KRT3: variants seen among roughly 807,000 people sequenced by gnomAD.
KRT3 encodes keratin 3, also known as keratin, type II cytoskeletal 3.
In KRT3, 34 loss-of-function variants were observed where a neutral mutation model predicts 45.8. The observed-to-expected ratio is 0.74, with a 90% CI of 0.57 to 0.99. The LOEUF is 0.99. Among genes scored for constraint, KRT3 ranks in the 50% least tolerant of loss-of-function variants. The pLI, the probability that KRT3 is intolerant of heterozygous loss-of-function variation, is 0.00. For missense variants in KRT3, 828 were observed against 820.6 expected (o/e 1.01, Z -0.11); for synonymous variants, 367 against 329.0 (o/e 1.12, Z -1.25).
Position 52,793,172 on chromosome 12 carries a change from A to G in KRT3, c.918T>C (p.Thr306=). 5.6e-6 allele frequency: 9 copies of G among 1,611,498 alleles called. No individual in the cohort carries two copies. The highest frequency in any genetic ancestry group is 7.6e-6 in the Non-Finnish European group (9 of 1,178,610). Reference sequence around the variant, plus strand: ...CACACACAGCCCTTACCTTCTTCAGAGTCACAAATTCATTCTCAGCAGCTG... The same window carrying G: ...CACACACAGCCCTTACCTTCTTCAGGGTCACAAATTCATTCTCAGCAGCTG... The part of the protein sequence containing the change: ...KRTAAENEFV[T]LKKDVDSAYM... Residue 306 remains threonine, a synonymous_variant, in exon 3 of 9, where the codon ACT becomes ACC. Transcript: ENST00000417996.
Position 52,790,877 on chromosome 12 carries a change from T to A in KRT3, c.1536-5A>T. ...CTCGGACACTCTCCAGACATCCTGT[T>A]TGAGAAAGCAAGAGAAAGTGGGCCC... is the stretch of plus-strand genomic sequence containing the variant. On this transcript the variant is annotated splice_region_variant and splice_polypyrimidine_tract_variant and intron_variant, in intron 7 of 8. Transcript: ENST00000417996. 2 of 1,596,342 alleles carry A rather than the reference T, an allele frequency of 1.3e-6. No individual in the cohort carries two copies. Among genetic ancestry groups the A allele is most frequent in the East Asian group, 4.5e-5 (2 of 44,348 alleles).
In KRT3 at chr12:52,790,100, C is replaced by T; in HGVS notation, c.1829G>A (p.Arg610Gln). 2 of 1,542,884 alleles carry T rather than the reference C, an allele frequency of 1.3e-6. No homozygotes were observed. The highest frequency in any genetic ancestry group is 1.7e-6 in the Non-Finnish European group (2 of 1,146,900). ...SGGGFSSASN[R>Q]GGSIKFSQSS... is the part of the protein sequence containing the mutation. ...CTGGGAGAACTTGATGCTGCCGCCC[C>T]GGTTGCTGGCCGAGCTGAAGCCCCC... is the stretch of plus-strand genomic sequence containing the variant. The change falls in exon 9 of 9, where the codon CGG becomes CAG. Residue 610 changes from arginine (R) to glutamine (Q), a missense_variant. Transcript: ENST00000417996.
chr12:52,794,490 A>G (rs1181216065), intron 1 of KRT3, among the ~76,000 whole-genome samples, 159 bp from the exon 2 acceptor site: 1 of 152,204 alleles, frequency 6.6e-6, no homozygotes, highest in African/African-American at 2.4e-5. Flanking sequence ...AGAGATTATG[A>G]TCAGATGGGT....
Position 52,794,120 on chromosome 12 carries a change from A to C in KRT3, c.857T>G (p.Phe286Cys), listed in dbSNP as rs766707883. The change falls in exon 2 of 9, where the codon TTC (phenylalanine) becomes TGC (cysteine). Residue 286 changes from phenylalanine (F) to cysteine (C), a missense_variant. Phe to Cys is a radical substitution (Grantham distance 205). Transcript: ENST00000417996. ...CTGCCCTGTCACTCACTTCTTCTTG[A>C]AGTCTTCCACCAGGTCCTCCATGTT... Reference protein sequence around the residue: ...LKNMEDLVEDFKKKYEDEINK... With the variant: ...LKNMEDLVEDCKKKYEDEINK... The C allele has an allele frequency of 1.2e-6, 2 of 1,613,502 alleles. No individual in the cohort carries two copies. The highest frequency in any genetic ancestry group is 4.5e-5 in the East Asian group (2 of 44,894).
In KRT3 at chr12:52,790,032, T is replaced by A. The variant is rs934992531; in HGVS notation, c.*10A>T. The A allele has an allele frequency of 6.5e-7, 1 of 1,537,948 alleles. No homozygotes were observed. The highest frequency in any genetic ancestry group is 2.4e-5 in the East Asian group (1 of 40,904). On this transcript the variant is annotated 3_prime_UTR_variant, in exon 9 of 9. Transcript: ENST00000417996. ...GGCGCTGGAGTGGCTGCGATGCTGA[T>A]GCGTGCTCTTTATCTGGAGTAGCGC... is the stretch of plus-strand genomic sequence containing the variant.
rs772480293 is a variant in KRT3 at position 52,790,381 on chromosome 12, G to A, written c.1571-23C>T. On this transcript the variant is annotated intron_variant, in intron 8 of 8. Coordinates refer to ENST00000417996, the MANE Select transcript of KRT3 (RefSeq NM_057088.3). ...CGGCTGTGGGGGAGAGGACAGGACA[G>A]CGATCAGCGACGGCGCCCAGGCCAG... is the stretch of plus-strand genomic sequence containing the variant. 4.5e-6 allele frequency: 7 copies of A among 1,569,276 alleles called. No homozygotes were observed. The South Asian group carries it at 8.5e-5, about 19-fold the overall frequency.
At chr12:52,792,538 G>T in intron 4 of KRT3, 135 bp from the exon 5 acceptor site, 1 of 1,010,814 alleles carries the variant, frequency 9.9e-7, no homozygotes, top group Non-Finnish European at 1.5e-6. Context: ...CCTGTCCGCA[G>T]CCACTCAGAG....
intron 3 of KRT3, 72 bp from the exon 4 acceptor site, chr12:52,792,878 G>T (rs975550721): frequency 1.0e-6 from 1 of 988,106 alleles, no homozygotes; most frequent in South Asian, 1.4e-5. Context: ...CAGCAAGAAA[G>T]AGCAGAGGGG....
In KRT3 at chr12:52,794,168, C is replaced by A. The variant is rs2121223275; in HGVS notation, c.809G>T (p.Gly270Val). Reference sequence around the variant, plus strand: ...GTTCTTCAGCTCAGAGTCCAGGCGCCCTCTCTCCCCGAGGATGTTGTCCAG... The same window carrying A: ...GTTCTTCAGCTCAGAGTCCAGGCGCACTCTCTCCCCGAGGATGTTGTCCAG... ...SYLDNILGER[G>V]RLDSELKNME... is the part of the protein sequence containing the mutation. Residue 270 changes from glycine to valine, a missense_variant, in exon 2 of 9, where the codon GGG becomes GTG. Gly to Val is a moderately radical substitution (Grantham distance 109). Coordinates refer to ENST00000417996, the MANE Select transcript of KRT3 (RefSeq NM_057088.3). The A allele has an allele frequency of 1.2e-6, 2 of 1,614,164 alleles. No homozygotes were observed. The highest frequency in any genetic ancestry group is 1.7e-6 in the Non-Finnish European group (2 of 1,180,020).
Position 52,792,299 on chromosome 12 carries a change from T to A in KRT3, c.1128A>T (p.Ala376=). The A allele has an allele frequency of 6.2e-7, 1 of 1,614,128 alleles. No homozygotes were observed. The highest frequency in any genetic ancestry group is 1.1e-5 in the South Asian group (1 of 91,076). ...DLDSIIAEVR[A]QYEDIAQRSK... ...TTCTCTGAGCGATATCCTCATACTG[T>A]GCACGAACTTCAGCAATGATGCTGT... The change falls in exon 5 of 9, where the codon GCA becomes GCT. Residue 376 remains alanine (A), a synonymous_variant. Coordinates refer to ENST00000417996, the MANE Select transcript of KRT3 (RefSeq NM_057088.3).
chr12:52,791,402 C>A lies in KRT3; in HGVS notation c.1339G>T (p.Ala447Ser). The A allele has an allele frequency of 6.2e-7, 1 of 1,614,196 alleles. No individual in the cohort carries two copies. The highest frequency in any genetic ancestry group is 8.5e-7 in the Non-Finnish European group (1 of 1,180,004). ...KQNANLQTAI[A>S]EAEQHGEMAL... ...ATCTCTCCATGCTGCTCGGCCTCGG[C>A]AATGGCCGTCTGCAGGTTGGCATTC... is the stretch of plus-strand genomic sequence containing the variant. The change falls in exon 7 of 9, where the codon GCC (alanine) becomes TCC (serine). Residue 447 changes from alanine (A) to serine (S), a missense_variant. Coordinates refer to ENST00000417996, the MANE Select transcript of KRT3 (RefSeq NM_057088.3).
Position 52,790,139 on chromosome 12 carries a change from T to C in KRT3, c.1790A>G (p.Tyr597Cys), listed in dbSNP as rs1939452560. 3 of 1,487,216 alleles carry C rather than the reference T, an allele frequency of 2.0e-6. No homozygotes were observed. The highest frequency in any genetic ancestry group is 2.7e-6 in the Non-Finnish European group (3 of 1,103,340). 92.1% of individuals were successfully genotyped at this position (1,487,216 alleles called of 1,614,324 possible). A position where few individuals can be genotyped will look rare whatever the true frequency, so the allele number is the denominator to read the frequency against. The change falls in exon 9 of 9, where the codon TAT becomes TGT. Residue 597 changes from tyrosine (Y) to cysteine (C), a missense_variant. By Grantham distance (194) the Tyr-to-Cys change is radical. Transcript: ENST00000417996. Reference protein sequence around the residue: ...SGFGSISGARYGVSGGGFSSA... With the variant: ...SGFGSISGARCGVSGGGFSSA... Reference sequence around the variant, plus strand: ...GCTGAAGCCCCCGCCACTGACTCCATAGCGGGCGCCAGAGATGGAGCCAAA... The same window carrying C: ...GCTGAAGCCCCCGCCACTGACTCCACAGCGGGCGCCAGAGATGGAGCCAAA...
rs553955594 is a variant in KRT3 at position 52,792,901 on chromosome 12, A to C, written c.928-95T>G. On this transcript the variant is annotated intron_variant, in intron 3 of 8. Transcript: ENST00000417996. ...AAGAGCAGAGGGGACTGGTGCAGTG[A>C]TGGTCCTTGTCTAAGACCAGTCTCC... 316 of 842,862 alleles carry C rather than the reference A, an allele frequency of 3.7e-4. 6 individuals carry two copies. The highest frequency in any genetic ancestry group is 3.5e-3 in the South Asian group (232 of 65,804). The allele number at this position is 842,862 out of a possible 1,614,324, so 52.2% of individuals were successfully genotyped here.
chr12:52,795,640 C>G lies in KRT3; in HGVS notation c.403G>C (p.Gly135Arg). ...FGGAGGFGGA[G>R]GFGGPGGFGG... ...AAGCCACCAGGACCACCAAAGCCAC[C>G]AGCCCCTCCAAAGCCACCAGCCCCT... Residue 135 changes from glycine (G) to arginine (R), a missense_variant, in exon 1 of 9, where the codon GGT (glycine) becomes CGT (arginine). By Grantham distance (125) the Gly-to-Arg change is moderately radical (BLOSUM62 -2). Transcript: ENST00000417996. 6.9e-7 allele frequency: 1 copy of G among 1,444,864 alleles called. No homozygotes were observed. Among genetic ancestry groups the G allele is most frequent in the Non-Finnish European group, 8.8e-7 (1 of 1,138,326 alleles). The allele number at this position is 1,444,864 out of a possible 1,614,324, so 89.5% of individuals were successfully genotyped here.
rs1939566157 is a variant in KRT3 at position 52,793,217 on chromosome 12, C to T, written c.873G>A (p.Glu291=). ...DLVEDFKKKY[E]DEINKRTAAE... ...CAGCTGTACGTTTATTGATTTCATCCTCATATCTGTGTGAATAAAAAAGAA... is the reference window on the plus strand; with the variant it reads ...CAGCTGTACGTTTATTGATTTCATCTTCATATCTGTGTGAATAAAAAAGAA... The change falls in exon 3 of 9, where the codon GAG becomes GAA. Residue 291 remains glutamate (E), a synonymous_variant. Transcript: ENST00000417996. 1.2e-6 allele frequency: 2 copies of T among 1,604,636 alleles called. No homozygotes were observed. The highest frequency in any genetic ancestry group is 1.7e-6 in the Non-Finnish European group (2 of 1,174,886).
intron 1 of KRT3, among the ~76,000 whole-genome samples, chr12:52,795,125 A>G (rs960748926): frequency 3.3e-5 from 5 of 152,152 alleles, no homozygotes; most frequent in Admixed American, 1.3e-4. Context: ...CTGGGCCTCA[A>G]TGAGGCAATG....
rs754068887 is a variant in KRT3 at position 52,790,287 on chromosome 12, C to G, written c.1642G>C (p.Gly548Arg). The G allele has an allele frequency of 6.4e-7, 1 of 1,558,154 alleles. No homozygotes were observed. Among genetic ancestry groups the G allele is most frequent in the South Asian group, 1.2e-5 (1 of 84,352 alleles). Residue 548 changes from glycine (G) to arginine (R), a missense_variant, in exon 9 of 9, where the codon GGT becomes CGT. Coordinates refer to ENST00000417996, the MANE Select transcript of KRT3 (RefSeq NM_057088.3). The stretch of plus-strand genomic sequence containing the variant: ...GCACTGAAGCCACCTCCTAAACCAC[C>G]GCCCATGCCTCCGCCGTAACCTCCT... ...YGGGYGGGMG[G>R]GLGGGFSAGG...
At chr12:52,792,605 G>T in intron 4 of KRT3, 106 bp downstream of exon 4, 1 of 1,002,332 alleles carries the variant, frequency 1.0e-6, no homozygotes, top group Non-Finnish European at 1.6e-6. Flanking sequence ...TCATCTCCAG[G>T]CTCATTCCAG....
chr12:52,794,051 G>T, intron 2 of KRT3, 60 bp downstream of exon 2: 1 of 1,354,100 alleles, frequency 7.4e-7, no homozygotes, highest in Non-Finnish European at 1.0e-6. Context: ...ATGTAGAAGG[G>T]GCCAAGACTC....
Sources: allele counts gnomAD v4.1 joint callset (sites outside exome capture counted in the v4.1 genomes callset), GRCh38; gene constraint gnomAD v4.1.1; transcripts MANE v1.5; gene names NCBI Gene and HGNC (gene_info 2026-07-23, HGNC 2026-07-21).